Variants in LRRC52 observed in about 807,000 individuals in gnomAD.
LRRC52 encodes the protein leucine rich repeat containing 52.
In LRRC52, 15 loss-of-function variants were observed where a neutral mutation model predicts 14.7. The observed-to-expected ratio is 1.02, with a 90% CI of 0.68 to 1.58. The LOEUF is 1.58. LRRC52 is among the 40% of genes most tolerant of loss of function. LRRC52 has a pLI of 0.00. For synonymous variants in LRRC52, 180 were observed against 163.9 expected (o/e 1.10, Z -0.75); for missense variants, 400 against 387.7 (o/e 1.03, Z -0.27).
intron 1 of LRRC52, among the ~76,000 whole-genome samples, chr1:165,553,428 G>T (rs74118804): frequency 0.1 from 15,760 of 152,214 alleles, 933 homozygotes; most frequent in South Asian, 0.22. Context: ...GCTATGAACT[G>T]AACATAAAAG....
Position 165,544,210 on chromosome 1 carries a change from C to A in LRRC52, c.-87C>A. On this transcript the variant is annotated 5_prime_UTR_variant, in exon 1 of 2. Coordinates refer to ENST00000294818, the MANE Select transcript of LRRC52 (RefSeq NM_001005214.4). ...GTTACAGTTCTTTCCAGAGCCCCTC[C>A]CCCGCCCCACCCCCCCACCGGCAGC... 3 of 1,087,680 alleles carry A rather than the reference C, an allele frequency of 2.8e-6. 1 individual carries two copies. The highest frequency in any genetic ancestry group is 1.3e-6 in the Non-Finnish European group (1 of 782,372). The allele number at this position is 1,087,680 out of a possible 1,614,324, so 67.4% of individuals were successfully genotyped here.
At chr1:165,553,936 T>C (rs148033649) in intron 1 of LRRC52, among the ~76,000 whole-genome samples, 109 of 152,300 alleles carry the variant, frequency 7.2e-4, no homozygotes, top group African/African-American at 2.5e-3. Flanking sequence ...TAGGCGACTA[T>C]AAAATATCCA....
chr1:165,561,581 T>C (rs769510055), intron 1 of LRRC52, among the ~76,000 whole-genome samples: 19 of 152,174 alleles, frequency 1.2e-4, no homozygotes, highest in Non-Finnish European at 1.9e-4. Context: ...CTCAACTCCT[T>C]TCCCTCTACT....
intron 1 of LRRC52, among the ~76,000 whole-genome samples, chr1:165,557,791 C>T (rs2101831741): frequency 6.6e-6 from 1 of 152,286 alleles, no homozygotes; most frequent in Non-Finnish European, 1.5e-5. Flanking sequence ...CTGATAGAAA[C>T]ATAATTTCCT....
intron 1 of LRRC52, among the ~76,000 whole-genome samples, chr1:165,550,376 G>A (rs187303109): frequency 9.2e-5 from 14 of 152,302 alleles, no homozygotes; most frequent in Admixed American, 6.5e-4. Flanking sequence ...ATATGGTGTC[G>A]GATACAGTAG....
Position 165,560,581 on chromosome 1 carries a change from C to T in LRRC52, c.623-2924C>T, listed in dbSNP as rs367957542. Among the ~76,000 whole-genome samples, 8 of 152,196 alleles carry T rather than the reference C, an allele frequency of 5.3e-5. No homozygotes were observed. The East Asian group carries it at 7.7e-4, about 15-fold the overall frequency. On this transcript the variant is annotated intron_variant, in intron 1 of 1. Coordinates refer to ENST00000294818, the MANE Select transcript of LRRC52 (RefSeq NM_001005214.4). ...CAAGGAAATGCTAGGGATGAGTTCA[C>T]GAGTGGGAACAATCACATGTCCTCT...
Position 165,544,224 on chromosome 1 carries a change from C to T in LRRC52, c.-73C>T. On this transcript the variant is annotated 5_prime_UTR_variant, in exon 1 of 2. Transcript: ENST00000294818. ...CAGAGCCCCTCCCCCGCCCCACCCC[C>T]CCACCGGCAGCCTTCGGATCAGAGG... 7.2e-7 allele frequency: 1 copy of T among 1,387,044 alleles called. No individual in the cohort carries two copies. Among genetic ancestry groups the T allele is most frequent in the South Asian group, 1.4e-5 (1 of 73,780 alleles). The allele number at this position is 1,387,044 out of a possible 1,614,324, so 85.9% of individuals were successfully genotyped here.
chr1:165,559,490 C>T (rs192990609), intron 1 of LRRC52, among the ~76,000 whole-genome samples: 6 of 152,060 alleles, frequency 3.9e-5, no homozygotes, highest in South Asian at 2.1e-4. Flanking sequence ...AACTAGTAGA[C>T]GATTGTCTAA....
chr1:165,552,800 C>T (rs1661160529), intron 1 of LRRC52, among the ~76,000 whole-genome samples: 1 of 152,180 alleles, frequency 6.6e-6, no homozygotes, highest in Admixed American at 6.5e-5. Context: ...AGGCCTGACA[C>T]AGAGAAAATG....
chr1:165,553,533 AAGG>A (rs1456269966), intron 1 of LRRC52, among the ~76,000 whole-genome samples: 1 of 152,176 alleles, frequency 6.6e-6, no homozygotes, highest in Non-Finnish European at 1.5e-5. Flanking sequence ...ACAAATGAAG[AAGG>A]AGGATTTTTA....
intron 1 of LRRC52, among the ~76,000 whole-genome samples, chr1:165,563,057 C>A (rs947663132): frequency 6.6e-6 from 1 of 151,956 alleles, no homozygotes; most frequent in Non-Finnish European, 1.5e-5. Context: ...AAGGGAAAGT[C>A]GGGATGGAGG....
At chr1:165,556,286 A>T (rs2101830646) in intron 1 of LRRC52, among the ~76,000 whole-genome samples, 1 of 152,368 alleles carries the variant, frequency 6.6e-6, no homozygotes, top group East Asian at 1.9e-4. Context: ...AAAGCACAGG[A>T]ATAATCAGGT....
At chr1:165,546,547 C>T (rs1370964207) in intron 1 of LRRC52, among the ~76,000 whole-genome samples, 1 of 152,148 alleles carries the variant, frequency 6.6e-6, no homozygotes, top group Non-Finnish European at 1.5e-5. Context: ...GGGATTCTCC[C>T]CTGTCCATGT....
chr1:165,550,102 G>C (rs1201253465), intron 1 of LRRC52, among the ~76,000 whole-genome samples: 1 of 152,210 alleles, frequency 6.6e-6, no homozygotes, highest in East Asian at 1.9e-4. Context: ...GCAAGTGGGA[G>C]GACTAATTCC....
At chr1:165,558,489 C>T (rs930916437) in intron 1 of LRRC52, among the ~76,000 whole-genome samples, 1 of 152,128 alleles carries the variant, frequency 6.6e-6, no homozygotes, top group Non-Finnish European at 1.5e-5. Flanking sequence ...ATTAAAACTA[C>T]CCTGTGGGGT....
At chr1:165,555,167 T>C (rs1345942205) in intron 1 of LRRC52, among the ~76,000 whole-genome samples, 1 of 152,126 alleles carries the variant, frequency 6.6e-6, no homozygotes, top group Non-Finnish European at 1.5e-5. Context: ...ACAAGTGCCA[T>C]GGAGGAAAAT....
In LRRC52 at chr1:165,555,054, G is replaced by C. The variant is rs549090128; in HGVS notation, c.623-8451G>C. 2.6e-5 allele frequency among the ~76,000 whole-genome samples: 4 copies of C among 152,290 alleles called. No individual in the cohort carries two copies. In the South Asian group the frequency reaches 6.2e-4, roughly 24 times the overall value. On this transcript the variant is annotated intron_variant, in intron 1 of 1. Transcript: ENST00000294818. ...GATGCCAGCCGCTTGGCCAGGCACG[G>C]GGCATACTGGTGTGAACAGAAACAG... is the stretch of plus-strand genomic sequence containing the variant.
chr1:165,560,943 G>C (rs1295248620), intron 1 of LRRC52, among the ~76,000 whole-genome samples: 1 of 152,274 alleles, frequency 6.6e-6, no homozygotes, highest in East Asian at 1.9e-4. Context: ...TTTTGAGCCA[G>C]AGTGTGACCG....
At chr1:165,547,251 C>G (rs77112200) in intron 1 of LRRC52, among the ~76,000 whole-genome samples, 1 of 152,060 alleles carries the variant, frequency 6.6e-6, no homozygotes, top group Non-Finnish European at 1.5e-5. Context: ...TATACTATCT[C>G]GTAAATCCTC....
Sources: gnomAD v4.1 joint callset for allele counts (sites outside exome capture counted in the v4.1 genomes callset) on GRCh38, gnomAD v4.1.1 for gene constraint, MANE v1.5 for transcripts, NCBI Gene and HGNC (gene_info 2026-07-23, HGNC 2026-07-21) for gene names.